NKTR: variants seen among roughly 807,000 people sequenced by gnomAD.
The protein encoded by NKTR is natural killer cell triggering receptor, also known as NK-tumor recognition protein.
In NKTR, 67 loss-of-function variants were observed where a neutral mutation model predicts 156.3. The ratio of observed to expected loss-of-function variants is 0.43; its 90% CI spans 0.35 to 0.53. The LOEUF (loss-of-function observed/expected upper bound fraction) is 0.53, where lower values mean the gene tolerates loss of function less well. Ranked by LOEUF, NKTR falls within the 20% of genes least tolerant of loss-of-function variation. NKTR has a pLI of 0.01. For missense variants in NKTR, 1,604 were observed against 1,730.9 expected, an observed-to-expected ratio of 0.93 and a Z score of 1.30; for synonymous variants, 640 against 596.6, an observed-to-expected ratio of 1.07 and a Z score of -1.06.
chr3:42,629,281 C>G (rs961185709), intron 6 of NKTR: 1 of 971,508 alleles, frequency 1.0e-6, no homozygotes, highest in Admixed American at 6.2e-5. Flanking sequence ...TTCCACTTTT[C>G]AATCTTCTAA....
intron 2 of NKTR, chr3:42,602,704 A>G (rs931910947): frequency 6.7e-6 from 1 of 149,570 alleles, no homozygotes; most frequent in Non-Finnish European, 1.5e-5. Context: ...TAGTGAATCC[A>G]TGCTTTAGAT....
In NKTR at chr3:42,643,885, T is replaced by C; in HGVS notation, c.4200-17T>C. Reference sequence around the variant, plus strand: ...CTGAGTGGGAAAATTTAGTGTTTGTTGTTGCCGTTAAAGCAGGTCCTACAC... The same window carrying C: ...CTGAGTGGGAAAATTTAGTGTTTGTCGTTGCCGTTAAAGCAGGTCCTACAC... On this transcript the variant is annotated splice_polypyrimidine_tract_variant and intron_variant, in intron 15 of 16. Transcript: ENST00000232978. The C allele has an allele frequency of 6.3e-7, 1 of 1,586,506 alleles. No individual in the cohort carries two copies. Among genetic ancestry groups the C allele is most frequent in the Non-Finnish European group, 8.6e-7 (1 of 1,156,726 alleles).
At chr3:42,625,890 A>G (rs1167188785) in intron 6 of NKTR, among the ~76,000 whole-genome samples, 1 of 152,166 alleles carries the variant, frequency 6.6e-6, no homozygotes, top group East Asian at 1.9e-4. Flanking sequence ...TTTATCTAGT[A>G]ATGTTTGGTG....
At chr3:42,642,412 GT>G in intron 13 of NKTR, 88 bp from the exon 14 acceptor site, 1 of 952,844 alleles carries the variant, frequency 1.0e-6, no homozygotes, top group East Asian at 2.6e-5. Flanking sequence ...TTCTTGTTGT[GT>G]TTTCCCCTTT....
intron 8 of NKTR, 108 bp from the exon 9 acceptor site, chr3:42,632,493 G>A (rs1709012312): frequency 4.7e-6 from 3 of 637,876 alleles, no homozygotes; most frequent in Non-Finnish European, 7.9e-6. Context: ...TTCATTTTTT[G>A]TTTGCTGTAT....
chr3:42,635,075 A>AT, intron 11 of NKTR, 146 bp from the exon 12 acceptor site: 1 of 465,286 alleles, frequency 2.1e-6, no homozygotes. Context: ...AAAAAAAAAA[A>AT]AAAGAACTTT....
At chr3:42,640,137 T>G (rs887892321) in intron 13 of NKTR, among the ~76,000 whole-genome samples, 1 of 152,192 alleles carries the variant, frequency 6.6e-6, no homozygotes, top group African/African-American at 2.4e-5. Context: ...ATTTTACACA[T>G]GTGGAAGTTG....
intron 2 of NKTR, among the ~76,000 whole-genome samples, chr3:42,612,528 A>C (rs1217924748): frequency 1.3e-5 from 2 of 152,188 alleles, no homozygotes; most frequent in African/African-American, 4.8e-5. Context: ...TTTTATTTTA[A>C]AACCATAATT....
chr3:42,631,041 C>T, intron 7 of NKTR, 130 bp from the exon 8 acceptor site: 3 of 1,436,608 alleles, frequency 2.1e-6, no homozygotes, highest in South Asian at 3.1e-5. Context: ...ATTCTAGTTG[C>T]TTCATACAAC....
intron 7 of NKTR, 86 bp downstream of exon 7, chr3:42,630,661 G>A (rs528919176): frequency 1.4e-5 from 23 of 1,591,698 alleles, no homozygotes; most frequent in Middle Eastern, 3.4e-4. Context: ...GCCCTCAAGG[G>A]AGCGCTCTTG....
intron 2 of NKTR, among the ~76,000 whole-genome samples, chr3:42,605,695 G>A (rs1051693969): frequency 6.6e-6 from 1 of 152,174 alleles, no homozygotes; most frequent in Non-Finnish European, 1.5e-5. Context: ...GGGAATAGGA[G>A]AAATGCATCT....
intron 6 of NKTR, chr3:42,629,010 CA>C: frequency 1.3e-6 from 1 of 771,012 alleles, no homozygotes; most frequent in Non-Finnish European, 1.6e-6. Context: ...TCAAAATAAA[CA>C]AACAAATAAA....
In NKTR at chr3:42,638,657, C is replaced by G. The variant is rs368830504; in HGVS notation, c.2953C>G (p.Leu985Val). 2.6e-5 allele frequency: 42 copies of G among 1,611,606 alleles called. No individual in the cohort carries two copies. Among genetic ancestry groups the G allele is most frequent in the Non-Finnish European group, 3.4e-5 (40 of 1,179,504 alleles). Reference protein sequence around the residue: ...QKHKHGSKENLKREHTKKVKE... With the variant: ...QKHKHGSKENVKREHTKKVKE... ...GCACAAACATGGGTCAAAGGAAAAT[C>G]TTAAAAGAGAACACACCAAAAAAGT... Residue 985 changes from leucine to valine, a missense_variant, in exon 13 of 17, where the codon CTT becomes GTT. Physicochemically the swap from Leu to Val is conservative, Grantham distance 32. Transcript: ENST00000232978.
At chr3:42,631,049 A>G in intron 7 of NKTR, 122 bp from the exon 8 acceptor site, 1 of 1,452,352 alleles carries the variant, frequency 6.9e-7, no homozygotes, top group Non-Finnish European at 9.1e-7. Context: ...TGCTTCATAC[A>G]ACAAACAGTT....
chr3:42,624,349 CAG>C (rs1174287394), intron 6 of NKTR, among the ~76,000 whole-genome samples: 7 of 151,864 alleles, frequency 4.6e-5, no homozygotes, highest in Admixed American at 3.3e-4. Flanking sequence ...ACTAAAGAAA[CAG>C]TGGTTTTATT....
chr3:42,630,435 C>CT (rs1708787588), intron 6 of NKTR, 111 bp from the exon 7 acceptor site: 2 of 1,556,302 alleles, frequency 1.3e-6, no homozygotes, highest in Non-Finnish European at 1.7e-6. Flanking sequence ...TTTCCCCTAT[C>CT]TTTTTATCTT....
intron 2 of NKTR, among the ~76,000 whole-genome samples, chr3:42,610,709 G>A (rs1251822142): frequency 6.6e-6 from 1 of 151,100 alleles, no homozygotes. Flanking sequence ...TGGCATATGG[G>A]GTTTTAAATT....
chr3:42,635,165 T>TAGCA (rs1422424042), intron 11 of NKTR, 56 bp from the exon 12 acceptor site: 1 of 1,437,894 alleles, frequency 7.0e-7, no homozygotes, highest in Admixed American at 2.0e-5. Flanking sequence ...CTCTGTCACA[T>TAGCA]AGCAGACTGT....
rs568873328 is a variant in NKTR at position 42,633,646 on chromosome 3, T to C, written c.840T>C (p.Pro280=). ...ATTCCAGTGCTAAAAGGGAAAAACC[T>C]GTGGTCCGCCCAGAAGAGATTCCTC... ...SVDSSAKREK[P]VVRPEEIPPV... The change falls in exon 10 of 17, where the codon CCT becomes CCC. Residue 280 remains proline, a synonymous_variant. Transcript: ENST00000232978. 1.2e-6 allele frequency: 2 copies of C among 1,614,206 alleles called. No homozygotes were observed. Among genetic ancestry groups the C allele is most frequent in the Admixed American group, 1.7e-5 (1 of 60,032 alleles).
Sources: allele counts gnomAD v4.1 joint callset (sites outside exome capture counted in the v4.1 genomes callset), GRCh38; gene constraint gnomAD v4.1.1; transcripts MANE v1.5; gene names NCBI Gene and HGNC (gene_info 2026-07-23, HGNC 2026-07-21).